The following ERLIN2 variants were observed in gnomAD, a reference collection of about 807,000 sequenced individuals.
ERLIN2 encodes ER lipid raft associated 2, also known as erlin-2.
Under a neutral mutation model 41.5 loss-of-function variants are expected in ERLIN2, and 22 were observed. That is an observed-to-expected ratio of 0.53 (90% CI 0.38 to 0.76). The LOEUF (loss-of-function observed/expected upper bound fraction) is 0.76. Among genes scored for constraint, ERLIN2 ranks in the 30% least tolerant of loss-of-function variants. ERLIN2 has a pLI of 0.00. For missense variants in ERLIN2, 247 were observed against 414.3 expected (o/e 0.60, Z 3.51); for synonymous variants, 149 against 150.9 (o/e 0.99, Z 0.09).
intron 6 of ERLIN2, chr8:37,744,953 A>G (rs763064820): frequency 4.5e-5 from 28 of 625,928 alleles, no homozygotes; most frequent in Non-Finnish European, 6.3e-5. Flanking sequence ...TCTGGCCTCA[A>G]TCAGAGGCTG....
At chr8:37,750,609 G>T in intron 9 of ERLIN2, 123 bp downstream of exon 9, 1 of 799,216 alleles carries the variant, frequency 1.3e-6, no homozygotes. Context: ...CAGCACAGGA[G>T]TGGCAGGTGG....
At chr8:37,749,768 C>T in intron 7 of ERLIN2, 26 bp from the exon 8 acceptor site, 1 of 1,612,670 alleles carries the variant, frequency 6.2e-7, no homozygotes. Flanking sequence ...ACTTTCCCAT[C>T]AGCTGCTGTT....
intron 10 of ERLIN2, 90 bp from the exon 11 acceptor site, chr8:37,753,360 C>G: frequency 9.2e-7 from 1 of 1,083,096 alleles, no homozygotes; most frequent in African/African-American, 1.5e-5. Flanking sequence ...TTCCAGGGAC[C>G]AGAACAGAGT....
At chr8:37,747,852 C>T (rs1803107654) in intron 6 of ERLIN2, 1 of 1,614,076 alleles carries the variant, frequency 6.2e-7, no homozygotes, top group Non-Finnish European at 8.5e-7. Flanking sequence ...GGTCCCGGGG[C>T]CTCATGGGCA....
intron 8 of ERLIN2, 79 bp from the exon 9 acceptor site, chr8:37,750,316 C>T: frequency 9.0e-7 from 1 of 1,112,380 alleles, no homozygotes; most frequent in South Asian, 1.3e-5. Flanking sequence ...CTCTCTTCAG[C>T]AGAAGAATTC....
Position 37,750,397 on chromosome 8 carries a change from A to G in ERLIN2, c.560A>G (p.Glu187Gly). The change falls in exon 9 of 12, where the codon GAA (glutamate) becomes GGA (glycine). Residue 187 changes from glutamate to glycine, a missense_variant and splice_region_variant. Physicochemically the swap from Glu to Gly is moderately conservative, Grantham distance 98. Coordinates refer to ENST00000519638, the MANE Select transcript of ERLIN2 (RefSeq NM_007175.8). ...EAIRRNYELM[E>G]SEKTKLLIAA... is the part of the protein sequence containing the mutation. ...TCACGGCTTTTTCTTCTCTTCAGGG[A>G]AAGTGAGAAGACAAAGCTTCTCATT... The G allele has an allele frequency of 6.2e-7, 1 of 1,612,310 alleles. No individual in the cohort carries two copies. Among genetic ancestry groups the G allele is most frequent in the Non-Finnish European group, 8.5e-7 (1 of 1,178,860 alleles).
Position 37,753,923 on chromosome 8 carries a change from A to G in ERLIN2, c.828A>G (p.Leu276=). The G allele has an allele frequency of 6.2e-7, 1 of 1,613,598 alleles. No homozygotes were observed. Among genetic ancestry groups the G allele is most frequent in the Non-Finnish European group, 8.5e-7 (1 of 1,179,684 alleles). Residue 276 remains leucine, a synonymous_variant, in exon 12 of 12, where the codon CTA becomes CTG. Transcript: ENST00000519638. ...MKIAEANKLK[L]TPEYLQLMKY... is the part of the protein sequence containing the mutation. ...TTTTTTTTTTTTAACAGCTGAAGCT[A>G]ACCCCTGAATATCTGCAGCTGATGA...
At chr8:37,745,475 T>G in intron 6 of ERLIN2, 3 of 1,201,456 alleles carry the variant, frequency 2.5e-6, no homozygotes, top group Non-Finnish European at 3.7e-6. Flanking sequence ...TGCAGTCAAG[T>G]ATTCTGTTTA....
chr8:37,750,044 A>C (rs1803182958), intron 8 of ERLIN2, 192 bp downstream of exon 8: 5 of 682,648 alleles, frequency 7.3e-6, no homozygotes, highest in African/African-American at 1.8e-5. Flanking sequence ...TGTGATTGAG[A>C]ACCCCAGGAT....
rs1802861436 is a variant in ERLIN2, at chr8:37,741,828, C to A, written c.236+10C>A. On this transcript the variant is annotated intron_variant, in intron 4 of 11. Transcript: ENST00000519638. The surrounding 1 kb of genome is among the most constrained non-coding windows in gnomAD (Gnocchi z 4.8). ...TACCTTGTGGGACTAGGTAAGGTAC[C>A]CAGAATAAAGCTTTTAAGCCCAAAT... is the stretch of plus-strand genomic sequence containing the variant. 6.2e-7 allele frequency: 1 copy of A among 1,608,374 alleles called. No individual in the cohort carries two copies. Among genetic ancestry groups the A allele is most frequent in the South Asian group, 1.1e-5 (1 of 90,980 alleles).
At chr8:37,737,159 T>C (rs756172061) in intron 1 of ERLIN2, 1 of 240,432 alleles carries the variant, frequency 4.2e-6, no homozygotes, top group Non-Finnish European at 6.7e-6. Context: ...AGGATCCCAC[T>C]CCTCCGCGTC....
intron 6 of ERLIN2, 24 bp downstream of exon 6, chr8:37,744,720 G>T: frequency 6.2e-7 from 1 of 1,614,104 alleles, no homozygotes; most frequent in Non-Finnish European, 8.5e-7. Flanking sequence ...TCCTGAGCAT[G>T]CCGTGCTTAA....
chr8:37,747,814 T>G, intron 6 of ERLIN2: 5 of 1,614,236 alleles, frequency 3.1e-6, no homozygotes, highest in Non-Finnish European at 4.2e-6. Context: ...CTTATGGGCA[T>G]GTTTGGCAGC....
chr8:37,750,756 C>T (rs1803200525), intron 9 of ERLIN2, among the ~76,000 whole-genome samples: 3 of 151,972 alleles, frequency 2.0e-5, no homozygotes, highest in African/African-American at 4.8e-5. Flanking sequence ...CGGAGTCTTG[C>T]TCTGTCACCC....
intron 2 of ERLIN2, 134 bp downstream of exon 2, chr8:37,738,163 C>CT: frequency 1.1e-6 from 1 of 936,390 alleles, no homozygotes. Context: ...TCAGATGGAG[C>CT]TTTTTATGTC....
At chr8:37,753,869 A>G (rs763589088) in intron 11 of ERLIN2, 46 bp from the exon 12 acceptor site, 48 of 1,553,612 alleles carry the variant, frequency 3.1e-5, no homozygotes, top group Non-Finnish European at 4.0e-5. Flanking sequence ...CTCCTTCTCT[A>G]ATATGGTTCA....
At chr8:37,736,756 G>A in intron 1 of ERLIN2, 78 bp downstream of exon 1, 1 of 985,746 alleles carries the variant, frequency 1.0e-6, no homozygotes, top group Non-Finnish European at 1.2e-6. Context: ...TCACTTTCGG[G>A]AACCTCAGTC....
chr8:37,743,499 AT>A (rs1339175666), intron 4 of ERLIN2, among the ~76,000 whole-genome samples: 2 of 152,134 alleles, frequency 1.3e-5, no homozygotes, highest in African/African-American at 4.8e-5. Context: ...GCCCACCCTT[AT>A]GACCTGTTTA....
At chr8:37,745,814 AG>A in intron 6 of ERLIN2, 1 of 1,364,010 alleles carries the variant, frequency 7.3e-7, no homozygotes. Context: ...TGTGCTTTTA[AG>A]AAAAAGTTGG....
Sources: gnomAD v4.1 joint callset for allele counts (sites outside exome capture counted in the v4.1 genomes callset) on GRCh38, gnomAD v4.1.1 for gene constraint, Gnocchi (gnomAD v3.1) non-coding constraint, MANE v1.5 for transcripts, NCBI Gene and HGNC (gene_info 2026-07-23, HGNC 2026-07-21) for gene names.